Variants in DLGAP4 observed in about 807,000 individuals in gnomAD.
DLGAP4 encodes the protein DLG associated protein 4.
A neutral mutation model predicts 86.9 loss-of-function variants in DLGAP4; 18 were observed. That is an observed-to-expected ratio of 0.21 (90% CI 0.14 to 0.31). DLGAP4 has a LOEUF of 0.31. Ranked by LOEUF, DLGAP4 falls within the 10% of genes least tolerant of loss-of-function variation. The pLI is 1.00. For synonymous variants in DLGAP4, 548 were observed against 574.3 expected (o/e 0.95, Z 0.65); for missense variants, 1,085 against 1,362.6 (o/e 0.80, Z 3.21).
chr20:36,383,765 G>T (rs1003782954), intron 2 of DLGAP4, among the ~76,000 whole-genome samples: 2 of 152,074 alleles, frequency 1.3e-5, no homozygotes. Flanking sequence ...CACGAGGTCA[G>T]GAGATCGAGA....
intron 3 of DLGAP4, among the ~76,000 whole-genome samples, chr20:36,434,978 C>T (rs920851921): frequency 2.0e-5 from 3 of 151,852 alleles, no homozygotes; most frequent in South Asian, 2.1e-4. Flanking sequence ...GGTAGATACA[C>T]GTTGAGATGT....
intron 7 of DLGAP4, among the ~76,000 whole-genome samples, chr20:36,471,530 C>G (rs2034663986): frequency 6.6e-6 from 1 of 152,120 alleles, no homozygotes; most frequent in Admixed American, 6.6e-5. Flanking sequence ...AAACTGACCT[C>G]CTGAATCCCA....
chr20:36,477,410 T>C (rs1384621386), intron 7 of DLGAP4, among the ~76,000 whole-genome samples: 5 of 152,252 alleles, frequency 3.3e-5, no homozygotes, highest in Non-Finnish European at 7.3e-5. Flanking sequence ...TCCAAGTTAA[T>C]GCACAATGCA....
In DLGAP4 at chr20:36,527,523, C is replaced by G. The variant is rs1201502207; in HGVS notation, c.*492C>G. On this transcript the variant is annotated 3_prime_UTR_variant, in exon 13 of 13. Coordinates refer to ENST00000339266, the MANE Select transcript of DLGAP4 (RefSeq NM_001365621.2). ...CCTTCAGAGCTCACACAGTGGTCACCATTGTGGCAAGCGGCTTTCTGGGTC... is the reference window on the plus strand; with the variant it reads ...CCTTCAGAGCTCACACAGTGGTCACGATTGTGGCAAGCGGCTTTCTGGGTC... 3 of 153,466 alleles carry G rather than the reference C, an allele frequency of 2.0e-5. No homozygotes were observed. The highest frequency in any genetic ancestry group is 4.4e-5 in the Non-Finnish European group (3 of 68,732). The allele number at this position is 153,466 out of a possible 1,614,324, so 9.5% of individuals were successfully genotyped here. A position where few individuals can be genotyped will look rare whatever the true frequency, so the allele number is the denominator to read the frequency against.
intron 7 of DLGAP4, among the ~76,000 whole-genome samples, chr20:36,475,554 C>T (rs185141588): frequency 9.1e-4 from 138 of 152,314 alleles, no homozygotes; most frequent in African/African-American, 2.8e-3. Flanking sequence ...TTCTATGATA[C>T]TAACACATCC....
intron 2 of DLGAP4, among the ~76,000 whole-genome samples, chr20:36,427,942 T>C (rs2033025374): frequency 6.6e-6 from 1 of 151,534 alleles, no homozygotes; most frequent in South Asian, 2.1e-4. Flanking sequence ...AGACTCCGTG[T>C]CAAAAAATAA....
intron 5 of DLGAP4, among the ~76,000 whole-genome samples, chr20:36,442,235 C>A (rs1000974683): frequency 6.6e-6 from 1 of 152,154 alleles, no homozygotes; most frequent in Non-Finnish European, 1.5e-5. Context: ...GCTCTTGTTG[C>A]CCAGGCTGGA....
At chr20:36,505,329 T>C (rs2036315290) in intron 10 of DLGAP4, among the ~76,000 whole-genome samples, 1 of 152,152 alleles carries the variant, frequency 6.6e-6, no homozygotes, top group African/African-American at 2.4e-5. Context: ...CATTTTTTCC[T>C]TTTGTTGCTT....
intron 7 of DLGAP4, among the ~76,000 whole-genome samples, chr20:36,471,740 T>G (rs954976768): frequency 1.3e-5 from 2 of 152,178 alleles, no homozygotes; most frequent in African/African-American, 2.4e-5. Flanking sequence ...TTCTGAAGTC[T>G]AGACCAGTTC....
intron 2 of DLGAP4, among the ~76,000 whole-genome samples, chr20:36,377,850 C>T (rs538506435): frequency 1.3e-5 from 2 of 152,218 alleles, no homozygotes; most frequent in East Asian, 3.8e-4. Flanking sequence ...TCCAGACAGA[C>T]GCTGGAATCA....
intron 1 of DLGAP4, among the ~76,000 whole-genome samples, chr20:36,320,434 A>T (rs901773964): frequency 3.9e-4 from 59 of 151,592 alleles, no homozygotes; most frequent in African/African-American, 1.3e-3. Flanking sequence ...GCCCACACTG[A>T]CCCTTGCCCT....
intron 2 of DLGAP4, among the ~76,000 whole-genome samples, chr20:36,379,610 G>T (rs1229986871): frequency 6.6e-6 from 1 of 152,166 alleles, no homozygotes; most frequent in African/African-American, 2.4e-5. Flanking sequence ...AAGAGTTTTA[G>T]AGGAGAGCCT....
intron 4 of DLGAP4, among the ~76,000 whole-genome samples, chr20:36,437,676 A>G (rs1432760605): frequency 6.6e-6 from 1 of 152,100 alleles, no homozygotes; most frequent in Non-Finnish European, 1.5e-5. Flanking sequence ...ATCTTCAACT[A>G]GGGGGGACAG....
intron 1 of DLGAP4, among the ~76,000 whole-genome samples, chr20:36,336,961 T>G (rs2065328884): frequency 6.6e-6 from 1 of 152,054 alleles, no homozygotes. Context: ...CACCTCTCCC[T>G]CCTCCTACAG....
intron 10 of DLGAP4, among the ~76,000 whole-genome samples, chr20:36,517,698 A>G (rs565194568): frequency 1.5e-3 from 225 of 152,220 alleles, no homozygotes; most frequent in Non-Finnish European, 2.5e-3. Flanking sequence ...AGTGATTACA[A>G]TTGTCAATGT....
At chr20:36,423,638 C>T (rs940817875) in intron 2 of DLGAP4, among the ~76,000 whole-genome samples, 4 of 151,618 alleles carry the variant, frequency 2.6e-5, no homozygotes, top group African/African-American at 9.7e-5. Flanking sequence ...CATCGAAATG[C>T]GAGGCTTTCT....
At chr20:36,443,804 T>A (rs1017976150) in intron 6 of DLGAP4, among the ~76,000 whole-genome samples, 13 of 152,102 alleles carry the variant, frequency 8.5e-5, no homozygotes, top group African/African-American at 2.9e-4. Context: ...CAGTGCTACC[T>A]GTATTCGTGG....
At chr20:36,315,962 G>A (rs2065095360) in intron 1 of DLGAP4, among the ~76,000 whole-genome samples, 1 of 152,192 alleles carries the variant, frequency 6.6e-6, no homozygotes, top group Non-Finnish European at 1.5e-5. Context: ...TGGCCCACCA[G>A]CCCTGTGGCT....
intron 7 of DLGAP4, among the ~76,000 whole-genome samples, chr20:36,473,779 C>T (rs962869387): frequency 6.6e-6 from 1 of 152,160 alleles, no homozygotes; most frequent in Non-Finnish European, 1.5e-5. Context: ...TACCTCTCTT[C>T]TCCTTTGCAC....
Sources: allele counts gnomAD v4.1 joint callset (sites outside exome capture counted in the v4.1 genomes callset), GRCh38; gene constraint gnomAD v4.1.1; transcripts MANE v1.5; gene names NCBI Gene and HGNC (gene_info 2026-07-23, HGNC 2026-07-21).